IMPG2: variants seen among roughly 807,000 people sequenced by gnomAD.
IMPG2 encodes the protein IPM 200.
Under a neutral mutation model 129.2 loss-of-function variants are expected in IMPG2, and 91 were observed. The observed-to-expected ratio is 0.70, with a 90% confidence interval of 0.59 to 0.84. IMPG2 has a LOEUF of 0.84. IMPG2 is among the 40% of genes least tolerant of loss of function. The pLI, the probability that IMPG2 is intolerant of heterozygous loss-of-function variation, is 0.00. For synonymous variants in IMPG2, 510 were observed against 517.7 expected, an observed-to-expected ratio of 0.99 and a Z score of 0.20; for missense variants, 1,430 against 1,461.7, an observed-to-expected ratio of 0.98 and a Z score of 0.35.
chr3:101,318,361 G>A (rs1272159265), intron 2 of IMPG2, among the ~76,000 whole-genome samples: 1 of 151,650 alleles, frequency 6.6e-6, no homozygotes, highest in East Asian at 1.9e-4. Flanking sequence ...AAAAGTAAAA[G>A]GAAAGCTTAT....
At chr3:101,238,427 C>T (rs1406207899) in intron 14 of IMPG2, among the ~76,000 whole-genome samples, 15 of 152,060 alleles carry the variant, frequency 9.9e-5, no homozygotes, top group African/African-American at 2.4e-5. Flanking sequence ...TCAGATTCAC[C>T]AAGATTGAAA....
chr3:101,246,970 C>A (rs1706486208), intron 11 of IMPG2, among the ~76,000 whole-genome samples: 1 of 152,018 alleles, frequency 6.6e-6, no homozygotes, highest in Non-Finnish European at 1.5e-5. Flanking sequence ...GTGGCACACA[C>A]CTGGAGTTCT....
chr3:101,307,571 T>C (rs1002355788), intron 2 of IMPG2, among the ~76,000 whole-genome samples: 2 of 152,128 alleles, frequency 1.3e-5, no homozygotes, highest in Admixed American at 6.5e-5. Context: ...AGCTATCAGA[T>C]CATGTGAGAA....
intron 3 of IMPG2, among the ~76,000 whole-genome samples, chr3:101,294,506 G>C (rs1707056789): frequency 2.6e-5 from 4 of 152,174 alleles, no homozygotes; most frequent in African/African-American, 7.2e-5. Context: ...TGGGCATTTG[G>C]ATTGGTTCCA....
rs987130813 is a variant in IMPG2, at chr3:101,244,228, G to A, written c.2103C>T (p.Thr701=). The A allele has an allele frequency of 1.2e-6, 2 of 1,613,962 alleles. No individual in the cohort carries two copies. The highest frequency in any genetic ancestry group is 3.3e-5 in the Admixed American group (2 of 59,988). The change falls in exon 13 of 19, where the codon ACC becomes ACT. Residue 701 remains threonine (T), a synonymous_variant. Coordinates refer to ENST00000193391, the MANE Select transcript of IMPG2 (RefSeq NM_016247.4). ...GTACTTCTGATATGTGCTTGGGGAGGGTTAGAGACGCAGATTCAGCTGCAG... is the reference window on the plus strand; with the variant it reads ...GTACTTCTGATATGTGCTTGGGGAGAGTTAGAGACGCAGATTCAGCTGCAG... ...ADTAAESASL[T]LPKHISEVPG...
rs568733987 is a variant in IMPG2, at chr3:101,236,530, G to A, written c.3023-3539C>T. Among the ~76,000 whole-genome samples, 733 of 152,286 alleles carry A rather than the reference G, an allele frequency of 4.8e-3. 7 individuals carry two copies. The highest frequency in any genetic ancestry group is 6.4e-3 in the Non-Finnish European group (437 of 68,032). ...TCATCTCATTGGGACTGATTGGACA[G>A]TGGGTGCAGCCCACAGAGGGTGAGC... On this transcript the variant is annotated intron_variant, in intron 14 of 18. Coordinates refer to ENST00000193391, the MANE Select transcript of IMPG2 (RefSeq NM_016247.4).
intron 6 of IMPG2, among the ~76,000 whole-genome samples, 187 bp downstream of exon 6, chr3:101,275,476 G>A (rs565174477): frequency 1.2e-3 from 178 of 152,230 alleles, no homozygotes; most frequent in African/African-American, 4.0e-3. Context: ...TCACCAATAA[G>A]AGCAGATTTA....
Position 101,287,494 on chromosome 3 carries a change from A to G in IMPG2, c.533+3985T>C, listed in dbSNP as rs147376184. Among the ~76,000 whole-genome samples the G allele has an allele frequency of 4.1e-4, 63 of 152,332 alleles. 1 individual carries two copies. In the South Asian group the frequency reaches 0.013, roughly 31 times the overall value. The stretch of plus-strand genomic sequence containing the variant: ...ACACTATCCAACTTCCAACCACACT[A>G]TAAGGCTACAGTAACCAAAACAGAA... On this transcript the variant is annotated intron_variant, in intron 4 of 18. Coordinates refer to ENST00000193391, the MANE Select transcript of IMPG2 (RefSeq NM_016247.4).
Position 101,242,791 on chromosome 3 carries a change from A to T in IMPG2, c.2919T>A (p.Pro973=). ...SRMKFANSVP[P]NVNNAVYMIL... Reference sequence around the variant, plus strand: ...TCATGTACACCGCATTGTTGACGTTAGGAGGGACAGAATTGGCAAACTTCA... The same window carrying T: ...TCATGTACACCGCATTGTTGACGTTTGGAGGGACAGAATTGGCAAACTTCA... The change falls in exon 14 of 19, where the codon CCT becomes CCA. Residue 973 remains proline (P), a synonymous_variant. Transcript: ENST00000193391. The T allele has an allele frequency of 6.2e-7, 1 of 1,614,008 alleles. No homozygotes were observed. Among genetic ancestry groups the T allele is most frequent in the African/African-American group, 1.3e-5 (1 of 75,050 alleles).
intron 14 of IMPG2, among the ~76,000 whole-genome samples, chr3:101,239,280 T>C (rs575933852): frequency 4.6e-5 from 7 of 152,270 alleles, no homozygotes; most frequent in African/African-American, 1.4e-4. Context: ...GTGAAGGATA[T>C]GAACAGACAC....
chr3:101,236,572 G>A (rs561050503), intron 14 of IMPG2, among the ~76,000 whole-genome samples: 104 of 152,248 alleles, frequency 6.8e-4, no homozygotes, highest in Admixed American at 2.4e-3. Context: ...AGGGTGGTGC[G>A]TCACCTCACC....
intron 2 of IMPG2, among the ~76,000 whole-genome samples, chr3:101,315,835 T>C (rs1003515200): frequency 6.6e-6 from 1 of 150,982 alleles, no homozygotes; most frequent in Non-Finnish European, 1.5e-5. Flanking sequence ...ACCAAACAAA[T>C]TTGAAAAAAA....
intron 4 of IMPG2, among the ~76,000 whole-genome samples, chr3:101,282,556 T>C (rs1706903171): frequency 6.6e-6 from 1 of 152,248 alleles, no homozygotes; most frequent in Non-Finnish European, 1.5e-5. Flanking sequence ...AGATACATGA[T>C]ACATACAGTC....
rs984757036 is a variant in IMPG2, at chr3:101,227,858, C to T, written c.3714-877G>A. ...TACAGAGGAACCACGAGCAAAGGAGCCACCTATCAGAGAAAAAGAATTTTG... is the reference window on the plus strand; with the variant it reads ...TACAGAGGAACCACGAGCAAAGGAGTCACCTATCAGAGAAAAAGAATTTTG... On this transcript the variant is annotated intron_variant, in intron 18 of 18. Coordinates refer to ENST00000193391, the MANE Select transcript of IMPG2 (RefSeq NM_016247.4). 1.3e-5 allele frequency: 6 copies of T among 456,042 alleles called. No individual in the cohort carries two copies. In the East Asian group the frequency reaches 4.2e-4, roughly 32 times the overall value. 28.2% of individuals were successfully genotyped at this position (456,042 alleles called of 1,614,324 possible).
chr3:101,235,466 C>A (rs1215696532), intron 14 of IMPG2, among the ~76,000 whole-genome samples: 1 of 152,138 alleles, frequency 6.6e-6, no homozygotes, highest in African/African-American at 2.4e-5. Flanking sequence ...AACCATTCTG[C>A]AGGTATATGT....
intron 12 of IMPG2, among the ~76,000 whole-genome samples, chr3:101,244,993 C>T (rs1706460624): frequency 6.6e-6 from 1 of 151,814 alleles, no homozygotes; most frequent in Non-Finnish European, 1.5e-5. Context: ...TTATCTCCTT[C>T]TCGAGGATAA....
chr3:101,287,515 C>A (rs1194324388), intron 4 of IMPG2, among the ~76,000 whole-genome samples: 2 of 152,116 alleles, frequency 1.3e-5, no homozygotes, highest in Non-Finnish European at 2.9e-5. Context: ...GTAACCAAAA[C>A]AGAATGGTAC....
At chr3:101,273,174 A>T (rs980363407) in intron 7 of IMPG2, among the ~76,000 whole-genome samples, 1 of 152,230 alleles carries the variant, frequency 6.6e-6, no homozygotes, top group African/African-American at 2.4e-5. Flanking sequence ...TGTGTTAACT[A>T]TTGAAAATTT....
At position 101,245,549 on chromosome 3, in the gene IMPG2, A is replaced by G. The variant is rs189872542; in HGVS notation, c.1543+253T>C. 5.8e-3 allele frequency among the ~76,000 whole-genome samples: 881 copies of G among 152,284 alleles called. 9 individuals carry two copies. The highest frequency in any genetic ancestry group is 0.021 in the African/African-American group (853 of 41,542). ...ATTTAACTAAACTATATACCCTTCA[A>G]TATGACCTTCAAAATGTCTGTTAAT... On this transcript the variant is annotated intron_variant, in intron 12 of 18. Coordinates refer to ENST00000193391, the MANE Select transcript of IMPG2 (RefSeq NM_016247.4).
Sources: allele counts gnomAD v4.1 joint callset (sites outside exome capture counted in the v4.1 genomes callset), GRCh38; gene constraint gnomAD v4.1.1; transcripts MANE v1.5; gene names NCBI Gene and HGNC (gene_info 2026-07-23, HGNC 2026-07-21).